PAK3: variants seen among roughly 807,000 people sequenced by gnomAD.
PAK3 encodes the protein p21 (RAC1) activated kinase 3.
PAK3 carries 4 observed loss-of-function variants against 41.0 expected under a neutral mutation model. The observed-to-expected ratio is 0.10, with a 90% CI of 0.05 to 0.22. The LOEUF (loss-of-function observed/expected upper bound fraction) is 0.22, where lower values mean the gene tolerates loss of function less well. Ranked by LOEUF, PAK3 falls within the 10% of genes least tolerant of loss-of-function variation. PAK3 has a pLI of 1.00. For synonymous variants in PAK3, 146 were observed against 139.6 expected, an observed-to-expected ratio of 1.05 and a Z score of -0.32; for missense variants, 205 against 409.9, an observed-to-expected ratio of 0.50 and a Z score of 4.32.
At chrX:110,975,578 A>G (rs1328413651) in intron 1 of PAK3, among the ~76,000 whole-genome samples, 1 of 111,897 alleles carries the variant, frequency 8.9e-6, no homozygotes, top group African/African-American at 3.3e-5. Context: ...CAAGCTACCA[A>G]TGGCTTTCTT....
At chrX:111,046,901 C>T (rs1208366344) in intron 1 of PAK3, among the ~76,000 whole-genome samples, 1 of 111,566 alleles carries the variant, frequency 9.0e-6, no homozygotes, top group Non-Finnish European at 1.9e-5. Flanking sequence ...CTGCAAGTCC[C>T]GTTATATTGT....
intron 1 of PAK3, among the ~76,000 whole-genome samples, chrX:111,023,538 T>C (rs912945337): frequency 8.9e-6 from 1 of 112,248 alleles, no homozygotes; most frequent in Non-Finnish European, 1.9e-5. Flanking sequence ...TTTCTCCACA[T>C]CCTCTCCAGC....
At position 111,216,449 on chromosome X, in the gene PAK3, C is replaced by T. The variant is rs1285721029; in HGVS notation, c.1436C>T (p.Thr479Ile). 2 of 1,181,039 alleles carry T rather than the reference C, an allele frequency of 1.7e-6. No homozygotes were observed. The highest frequency in any genetic ancestry group is 2.3e-6 in the Non-Finnish European group (2 of 868,816). ...TTGTATCTGATAGCCACTAATGGAA[C>T]TCCAGAGCTCCAGAATCCTGAGAGA... is the stretch of plus-strand genomic sequence containing the variant. Reference protein sequence around the residue: ...RALYLIATNGTPELQNPERLS... With the variant: ...RALYLIATNGIPELQNPERLS... Residue 479 changes from threonine (T) to isoleucine (I), a missense_variant, in exon 17 of 18, where the codon ACT (threonine) becomes ATT (isoleucine). Thr to Ile is a moderately conservative substitution (Grantham distance 89). Around this residue, in one of 5 missense-constraint regions of PAK3, gnomAD observed 40 missense variants for 54.4 expected, o/e 0.74. Coordinates refer to ENST00000372007, the MANE Select transcript of PAK3 (RefSeq NM_002578.5).
chrX:111,115,916 T>C (rs964745528), intron 4 of PAK3, among the ~76,000 whole-genome samples: 3 of 111,602 alleles, frequency 2.7e-5, no homozygotes, highest in African/African-American at 9.8e-5. Context: ...TGATGAGCCA[T>C]GATGCACAGT....
intron 1 of PAK3, among the ~76,000 whole-genome samples, chrX:110,977,012 A>G (rs1464099816): frequency 9.0e-6 from 1 of 110,517 alleles, no homozygotes; most frequent in Non-Finnish European, 1.9e-5. Flanking sequence ...AATGTAAATG[A>G]TTAGTTGATG....
At chrX:110,962,028 G>A (rs764548683) in intron 1 of PAK3, among the ~76,000 whole-genome samples, 3 of 111,946 alleles carry the variant, frequency 2.7e-5, no homozygotes, top group Non-Finnish European at 3.8e-5. Context: ...GGAAAAATAT[G>A]AGGAATCTCT....
At chrX:111,063,700 G>A (rs1038200226) in intron 1 of PAK3, among the ~76,000 whole-genome samples, 3 of 107,735 alleles carry the variant, frequency 2.8e-5, no homozygotes, top group African/African-American at 1.1e-4. Context: ...GTGCAGTGGG[G>A]GTCACCTGTA....
intron 1 of PAK3, among the ~76,000 whole-genome samples, chrX:111,035,147 GAAA>G (rs2092385318): frequency 6.8e-5 from 2 of 29,411 alleles, no homozygotes; most frequent in Non-Finnish European, 1.9e-4. Context: ...AAGAAAGAAA[GAAA>G]GAAAGGAAGA....
At chrX:111,185,190 GTCT>G (rs2094498144) in intron 11 of PAK3, among the ~76,000 whole-genome samples, 1 of 111,967 alleles carries the variant, frequency 8.9e-6, no homozygotes, top group Admixed American at 9.5e-5. Flanking sequence ...CCGCATAAAT[GTCT>G]TCTTTTGAGA....
At chrX:111,179,499 CAT>C (rs2094443311) in intron 11 of PAK3, among the ~76,000 whole-genome samples, 1 of 111,489 alleles carries the variant, frequency 9.0e-6, no homozygotes, top group African/African-American at 3.2e-5. Context: ...TCTTATCACT[CAT>C]ATTAAATATT....
chrX:111,041,309 C>T (rs1404734598), intron 1 of PAK3, among the ~76,000 whole-genome samples: 1 of 112,042 alleles, frequency 8.9e-6, no homozygotes, highest in Non-Finnish European at 1.9e-5. Flanking sequence ...CAAAATTGCT[C>T]TCACTTTGCC....
chrX:111,178,978 T>TAGAG (rs1278340574), intron 11 of PAK3, among the ~76,000 whole-genome samples: 33 of 92,565 alleles, frequency 3.6e-4, no homozygotes, highest in African/African-American at 1.2e-3. Context: ...TATATATATA[T>TAGAG]ATAGAGAGAG....
chrX:111,088,089 C>A (rs2092903395), intron 1 of PAK3, among the ~76,000 whole-genome samples: 1 of 111,569 alleles, frequency 9.0e-6, no homozygotes, highest in African/African-American at 3.3e-5. Context: ...TCATGCTATC[C>A]AATTAAGTTA....
intron 1 of PAK3, among the ~76,000 whole-genome samples, chrX:111,075,380 C>T (rs1482619688): frequency 8.9e-6 from 1 of 112,705 alleles, no homozygotes; most frequent in Non-Finnish European, 1.9e-5. Context: ...CTTCTTGCAT[C>T]CCTACTGCTC....
At chrX:111,058,129 C>T (rs1227384231) in intron 1 of PAK3, among the ~76,000 whole-genome samples, 1 of 111,984 alleles carries the variant, frequency 8.9e-6, no homozygotes, top group Non-Finnish European at 1.9e-5. Flanking sequence ...ATGAGTAATG[C>T]TCCTATGAAT....
At chrX:111,203,360 C>T (rs184045869) in intron 16 of PAK3, among the ~76,000 whole-genome samples, 1 of 111,691 alleles carries the variant, frequency 9.0e-6, no homozygotes, top group Non-Finnish European at 1.9e-5. Flanking sequence ...TCAGCATATG[C>T]CTCCATGATA....
At chrX:110,961,709 A>T (rs1427090090) in intron 1 of PAK3, among the ~76,000 whole-genome samples, 2 of 112,193 alleles carry the variant, frequency 1.8e-5, no homozygotes, top group Non-Finnish European at 3.8e-5. Context: ...AGCTTCTTGA[A>T]AAAAGGAGTC....
At chrX:111,010,398 G>A (rs1363830593) in intron 1 of PAK3, among the ~76,000 whole-genome samples, 5 of 111,265 alleles carry the variant, frequency 4.5e-5, no homozygotes, top group Non-Finnish European at 7.5e-5. Context: ...TACTCTTCAT[G>A]GTTGTGTGAA....
intron 16 of PAK3, among the ~76,000 whole-genome samples, chrX:111,200,989 G>T (rs768937222): frequency 8.9e-6 from 1 of 112,145 alleles, no homozygotes; most frequent in African/African-American, 3.2e-5. Flanking sequence ...AGATGCCACC[G>T]CCTGATATCT....
Sources: gnomAD v4.1 joint callset for allele counts (sites outside exome capture counted in the v4.1 genomes callset) on GRCh38, gnomAD v4.1.1 for gene constraint, gnomAD v4.1.1 regional missense constraint, MANE v1.5 for transcripts, NCBI Gene and HGNC (gene_info 2026-07-23, HGNC 2026-07-21) for gene names.